ZDHHC2: variants seen among roughly 807,000 people sequenced by gnomAD.
The protein encoded by ZDHHC2 is palmitoyltransferase ZDHHC2.
In ZDHHC2, 51 loss-of-function variants were observed where a neutral mutation model predicts 55.6. That is an observed-to-expected ratio of 0.92 (90% CI 0.73 to 1.16). ZDHHC2 has a LOEUF of 1.16. ZDHHC2 is among the 50% of genes most tolerant of loss of function. ZDHHC2 has a pLI of 0.00. For synonymous variants in ZDHHC2, 199 were observed against 152.9 expected (o/e 1.30, Z -2.22); for missense variants, 491 against 442.4 (o/e 1.11, Z -0.99).
At chr8:17,203,613 A>C (rs1018456910) in intron 6 of ZDHHC2, among the ~76,000 whole-genome samples, 1 of 152,114 alleles carries the variant, frequency 6.6e-6, no homozygotes. Context: ...AAGCAAAGGG[A>C]ATACCCTGTA....
At chr8:17,184,540 T>A (rs1364862338) in intron 1 of ZDHHC2, among the ~76,000 whole-genome samples, 2 of 152,174 alleles carry the variant, frequency 1.3e-5, no homozygotes, top group Admixed American at 6.6e-5. Flanking sequence ...CTTGACAAGT[T>A]TTGTTCCGCA....
intron 1 of ZDHHC2, among the ~76,000 whole-genome samples, chr8:17,168,170 C>T (rs1443034312): frequency 2.0e-5 from 3 of 152,130 alleles, no homozygotes; most frequent in Non-Finnish European, 2.9e-5. Context: ...TTCCTATTGA[C>T]TGAAAAAGGT....
intron 8 of ZDHHC2, among the ~76,000 whole-genome samples, chr8:17,209,111 G>A (rs1367090044): frequency 6.6e-6 from 1 of 152,102 alleles, no homozygotes; most frequent in African/African-American, 2.4e-5. Flanking sequence ...TATTTTTGAA[G>A]GAATGTTGAT....
chr8:17,215,314 C>G lies in ZDHHC2; in HGVS notation c.1028C>G (p.Thr343Arg). 6.3e-7 allele frequency: 1 copy of G among 1,593,470 alleles called. No individual in the cohort carries two copies. The highest frequency in any genetic ancestry group is 8.6e-7 in the Non-Finnish European group (1 of 1,169,370). The change falls in exon 11 of 13, where the codon ACG becomes AGG. Residue 343 changes from threonine (T) to arginine (R), a missense_variant. Thr to Arg is a moderately conservative substitution (Grantham distance 71). Transcript: ENST00000262096. Reference sequence around the variant, plus strand: ...CTTCTTACTGATTCTCAGTCTTGGACGGAGAGCAGCATAAACCCAGGAAAA... The same window carrying G: ...CTTCTTACTGATTCTCAGTCTTGGAGGGAGAGCAGCATAAACCCAGGAAAA... ...SHLLTDSQSW[T>R]ESSINPGKCK...
chr8:17,200,740 G>A (rs550360840), intron 6 of ZDHHC2, among the ~76,000 whole-genome samples: 6 of 152,328 alleles, frequency 3.9e-5, no homozygotes, highest in African/African-American at 1.2e-4. Flanking sequence ...TGTTAAATAA[G>A]TGAAGGAGAA....
In ZDHHC2 at chr8:17,187,665, A is replaced by T. The variant is rs1049246159; in HGVS notation, c.252+1240A>T. Among the ~76,000 whole-genome samples, 6 of 151,356 alleles carry T rather than the reference A, an allele frequency of 4.0e-5. No individual in the cohort carries two copies. In the East Asian group the frequency reaches 1.2e-3, roughly 30 times the overall value. ...CTACCATATTTGCTTCTTTTCCATC[A>T]TCTCTCTTACCCTCATCCTGTCCCT... On this transcript the variant is annotated intron_variant, in intron 3 of 12. Transcript: ENST00000262096.
chr8:17,205,905 T>C lies in ZDHHC2; in HGVS notation c.597+130T>C, dbSNP rs139201302. ...ATTGACATGCAGTCAGTCCTCATTATTCGCAGATTCTTTATTTGTTAATTC... is the reference window on the plus strand; with the variant it reads ...ATTGACATGCAGTCAGTCCTCATTACTCGCAGATTCTTTATTTGTTAATTC... On this transcript the variant is annotated intron_variant, in intron 7 of 12. Transcript: ENST00000262096. The C allele has an allele frequency of 2.4e-4, 202 of 853,896 alleles. 1 individual carries two copies. In the African/African-American group the frequency reaches 2.5e-3, roughly 11 times the overall value. The allele number at this position is 853,896 out of a possible 1,614,324, so 52.9% of individuals were successfully genotyped here.
At chr8:17,196,613 A>G (rs1044941324) in intron 4 of ZDHHC2, among the ~76,000 whole-genome samples, 1 of 151,676 alleles carries the variant, frequency 6.6e-6, no homozygotes, top group Non-Finnish European at 1.5e-5. Flanking sequence ...ACTCATTAAG[A>G]TTTGCGACTC....
At chr8:17,157,076 C>A (rs1858707) in intron 1 of ZDHHC2, among the ~76,000 whole-genome samples, 45,881 of 151,940 alleles carry the variant, frequency 0.3, 8,378 homozygotes, top group Middle Eastern at 0.47. Flanking sequence ...GGTGGCGCCT[C>A]CGCCCCGCAC....
chr8:17,218,066 T>A (rs1693554799), intron 12 of ZDHHC2, among the ~76,000 whole-genome samples: 1 of 152,236 alleles, frequency 6.6e-6, no homozygotes, highest in South Asian at 2.1e-4. Flanking sequence ...TTGTCTGTTC[T>A]GGTTTTGGTA....
At chr8:17,177,258 A>G (rs1805188254) in intron 1 of ZDHHC2, among the ~76,000 whole-genome samples, 1 of 152,046 alleles carries the variant, frequency 6.6e-6, no homozygotes, top group South Asian at 2.1e-4. Flanking sequence ...AATGCTGGGG[A>G]ATTAGACCAA....
intron 10 of ZDHHC2, among the ~76,000 whole-genome samples, chr8:17,214,955 T>G (rs1442361889): frequency 6.6e-6 from 1 of 152,146 alleles, no homozygotes. Flanking sequence ...AAGTACCTGC[T>G]AAAGCCTGGG....
intron 7 of ZDHHC2, among the ~76,000 whole-genome samples, 179 bp from the exon 8 acceptor site, chr8:17,207,780 CT>C (rs1303579323): frequency 1.3e-5 from 2 of 151,564 alleles, no homozygotes; most frequent in African/African-American, 4.8e-5. Context: ...TTCTCGTAAA[CT>C]TTTAACCTGA....
At chr8:17,166,172 G>A (rs1804589955) in intron 1 of ZDHHC2, among the ~76,000 whole-genome samples, 1 of 152,178 alleles carries the variant, frequency 6.6e-6, no homozygotes, top group African/African-American at 2.4e-5. Flanking sequence ...TCTGGCCGCT[G>A]TGGACCTAGG....
chr8:17,202,716 T>G (rs1275439631), intron 6 of ZDHHC2, among the ~76,000 whole-genome samples: 1 of 42,340 alleles, frequency 2.4e-5, no homozygotes, highest in East Asian at 4.1e-4. Context: ...CTATATTTCT[T>G]CTAGTTATAT....
At chr8:17,171,271 C>G (rs751260428) in intron 1 of ZDHHC2, among the ~76,000 whole-genome samples, 2 of 152,218 alleles carry the variant, frequency 1.3e-5, no homozygotes, top group African/African-American at 4.8e-5. Context: ...GCCCTCAAAT[C>G]TGCACAACTT....
intron 1 of ZDHHC2, among the ~76,000 whole-genome samples, chr8:17,178,087 A>T (rs1311537240): frequency 6.6e-6 from 1 of 152,210 alleles, no homozygotes; most frequent in Non-Finnish European, 1.5e-5. Context: ...AAGGTGTAGT[A>T]GCACACAAGT....
chr8:17,156,894 G>C (rs1314798977), intron 1 of ZDHHC2, 41 bp downstream of exon 1: 43 of 1,468,502 alleles, frequency 2.9e-5, no homozygotes, highest in Non-Finnish European at 1.2e-5. Flanking sequence ...GCGCAGCGCA[G>C]CCCACCCCGA....
intron 10 of ZDHHC2, among the ~76,000 whole-genome samples, chr8:17,212,400 A>T (rs1467375571): frequency 6.6e-6 from 1 of 152,160 alleles, no homozygotes; most frequent in East Asian, 1.9e-4. Flanking sequence ...CCATGCTTCC[A>T]TTATCAGTAT....
Sources: allele counts gnomAD v4.1 joint callset (sites outside exome capture counted in the v4.1 genomes callset), GRCh38; gene constraint gnomAD v4.1.1; transcripts MANE v1.5; gene names NCBI Gene and HGNC (gene_info 2026-07-23, HGNC 2026-07-21).